Variants in CHODL observed in about 807,000 individuals in gnomAD.
CHODL encodes the protein transmembrane protein MT75.
A neutral mutation model predicts 34.5 loss-of-function variants in CHODL; 29 were observed. The ratio of observed to expected loss-of-function variants is 0.84; its 90% CI spans 0.63 to 1.15. CHODL has a LOEUF of 1.15. Ranked by LOEUF, CHODL falls within the 50% of genes most tolerant of loss-of-function variation. The pLI is 0.00. For missense variants in CHODL, 332 were observed against 332.5 expected (o/e 1.00, Z 0.01); for synonymous variants, 125 against 116.1 (o/e 1.08, Z -0.49).
intron 2 of CHODL, among the ~76,000 whole-genome samples, chr21:18,143,465 A>G (rs1489962559): frequency 6.6e-6 from 1 of 151,852 alleles, no homozygotes; most frequent in Admixed American, 6.6e-5. Flanking sequence ...GTCAATGGGT[A>G]CCGTTGAAAA....
At chr21:18,166,558 C>A (rs1248144233) in intron 2 of CHODL, among the ~76,000 whole-genome samples, 1 of 152,120 alleles carries the variant, frequency 6.6e-6, no homozygotes, top group African/African-American at 2.4e-5. Flanking sequence ...TATAACATTT[C>A]TCCATTAAAC....
intron 2 of CHODL, among the ~76,000 whole-genome samples, chr21:18,216,588 C>T (rs1370944914): frequency 1.3e-5 from 2 of 152,148 alleles, no homozygotes; most frequent in African/African-American, 4.8e-5. Flanking sequence ...CAAGCTCATT[C>T]ATGTTGTTGC....
chr21:18,005,030 C>T (rs1002483503), intron 1 of CHODL, among the ~76,000 whole-genome samples: 7 of 152,106 alleles, frequency 4.6e-5, no homozygotes, highest in East Asian at 1.9e-4. Flanking sequence ...TTTGAGTAGA[C>T]GATATTATCC....
chr21:18,092,176 T>C (rs534183462), intron 2 of CHODL, among the ~76,000 whole-genome samples: 8 of 151,836 alleles, frequency 5.3e-5, no homozygotes, highest in South Asian at 2.1e-4. Flanking sequence ...AGAATCTATA[T>C]GTTTGTGAGA....
Position 17,946,286 on chromosome 21 carries a change from G to T in CHODL, c.-145+28886G>T, listed in dbSNP as rs2063408158. 2.0e-5 allele frequency among the ~76,000 whole-genome samples: 3 copies of T among 152,152 alleles called. No individual in the cohort carries two copies. In the South Asian group the frequency reaches 6.2e-4, roughly 32 times the overall value. On this transcript the variant is annotated intron_variant, in intron 1 of 6. Transcript: ENST00000400127. ...CATAAAAAATTAGCCAGGTGTGGTG[G>T]CGGGTGCCTGTGGTCCCAGCTACTC...
At chr21:18,174,120 GGTGTATAT>G (rs1568923041) in intron 2 of CHODL, among the ~76,000 whole-genome samples, 1 of 14,764 alleles carries the variant, frequency 6.8e-5, no homozygotes, top group African/African-American at 2.2e-4. Flanking sequence ...TATATATCTT[GGTGTATAT>G]ATATATATAT....
chr21:18,079,665 CT>C (rs1257241400), intron 2 of CHODL, among the ~76,000 whole-genome samples: 1 of 150,162 alleles, frequency 6.7e-6, no homozygotes, highest in Non-Finnish European at 1.5e-5. Context: ...TTAATGGACA[CT>C]TTAGTTGATT....
intron 2 of CHODL, chr21:18,134,446 T>C (rs1044062746): frequency 2.1e-6 from 1 of 474,154 alleles, no homozygotes; most frequent in Non-Finnish European, 4.3e-6. Flanking sequence ...TGGCTCATCT[T>C]TCTTTGCTCC....
chr21:18,217,884 G>C (rs2073846089), intron 2 of CHODL, among the ~76,000 whole-genome samples: 2 of 152,280 alleles, frequency 1.3e-5, no homozygotes, highest in Admixed American at 1.3e-4. Context: ...ATTCAGTGGG[G>C]CAGTCACATC....
chr21:17,963,202 C>T (rs935279401), intron 1 of CHODL, among the ~76,000 whole-genome samples: 7 of 152,132 alleles, frequency 4.6e-5, no homozygotes, highest in Admixed American at 2.6e-4. Context: ...AGATTCCATT[C>T]TAGCCATCCA....
intron 1 of CHODL, among the ~76,000 whole-genome samples, chr21:17,980,577 A>T (rs2063705962): frequency 6.6e-6 from 1 of 152,136 alleles, no homozygotes; most frequent in African/African-American, 2.4e-5. Context: ...GTTGGAGGAG[A>T]GAGAGTGAGA....
chr21:18,200,769 A>G (rs1170132728), intron 2 of CHODL, among the ~76,000 whole-genome samples: 3 of 152,212 alleles, frequency 2.0e-5, no homozygotes, highest in Non-Finnish European at 4.4e-5. Flanking sequence ...TTAGTTAAGC[A>G]TCTTGAGATG....
intron 2 of CHODL, among the ~76,000 whole-genome samples, chr21:18,083,193 G>C (rs1212894959): frequency 6.6e-6 from 1 of 152,216 alleles, no homozygotes; most frequent in African/African-American, 2.4e-5. Context: ...CATGGCTGTT[G>C]CTTCAGAGGG....
At chr21:17,938,493 T>TTTTTTTTTTTTG (rs1568806953) in intron 1 of CHODL, among the ~76,000 whole-genome samples, 1 of 54,032 alleles carries the variant, frequency 1.9e-5, no homozygotes, top group South Asian at 1.2e-3. Flanking sequence ...TTTTTTTTTT[T>TTTTTTTTTTTTG]AAGGAAAGGG....
intron 2 of CHODL, among the ~76,000 whole-genome samples, chr21:18,045,203 T>A (rs1016080995): frequency 6.6e-6 from 1 of 151,916 alleles, no homozygotes; most frequent in African/African-American, 2.4e-5. Context: ...GGAGCTAGAA[T>A]TATCAAAGCC....
At chr21:18,050,204 G>A (rs928680980) in intron 2 of CHODL, among the ~76,000 whole-genome samples, 1 of 151,924 alleles carries the variant, frequency 6.6e-6, no homozygotes, top group African/African-American at 2.4e-5. Context: ...AGGTGTGACA[G>A]GTGGCTGTGT....
intron 2 of CHODL, among the ~76,000 whole-genome samples, chr21:18,109,936 G>A (rs1011806675): frequency 2.0e-5 from 3 of 152,076 alleles, no homozygotes; most frequent in African/African-American, 7.2e-5. Context: ...CTCTCTTACA[G>A]GTACAATATA....
At chr21:18,132,994 T>C (rs117076944) in intron 2 of CHODL, among the ~76,000 whole-genome samples, 2 of 152,178 alleles carry the variant, frequency 1.3e-5, no homozygotes, top group Admixed American at 1.3e-4. Context: ...AATGAAACTA[T>C]TGGCAATTCT....
At chr21:18,084,958 T>A (rs1260052818) in intron 2 of CHODL, among the ~76,000 whole-genome samples, 2 of 150,972 alleles carry the variant, frequency 1.3e-5, no homozygotes. Context: ...TGTGTGTGTG[T>A]GTGAATCTGA....
Sources: gnomAD v4.1 joint callset for allele counts (sites outside exome capture counted in the v4.1 genomes callset) on GRCh38, gnomAD v4.1.1 for gene constraint, MANE v1.5 for transcripts, NCBI Gene and HGNC (gene_info 2026-07-23, HGNC 2026-07-21) for gene names.